Variants in TDRP observed in about 807,000 individuals in gnomAD.
TDRP encodes the protein testis development-related protein.
A neutral mutation model predicts 10.5 loss-of-function variants in TDRP; 12 were observed. The ratio of observed to expected loss-of-function variants is 1.15; its 90% confidence interval spans 0.73 to 1.86. The LOEUF (loss-of-function observed/expected upper bound fraction) is 1.86, where lower values mean the gene tolerates loss of function less well. Among genes scored for constraint, TDRP ranks in the 40% most tolerant of loss-of-function variants. The pLI is 0.00. For missense variants in TDRP, 353 were observed against 229.2 expected (o/e 1.54, Z -3.49); for synonymous variants, 139 against 95.4 (o/e 1.46, Z -2.67).
At chr8:533,318 C>T (rs949286349) in intron 1 of TDRP, among the ~76,000 whole-genome samples, 1 of 152,200 alleles carries the variant, frequency 6.6e-6, no homozygotes, top group Non-Finnish European at 1.5e-5. Context: ...CCTCATTGGG[C>T]TGCTCCCACA....
intron 1 of TDRP, among the ~76,000 whole-genome samples, chr8:531,281 A>G (rs1403129166): frequency 6.6e-6 from 1 of 152,048 alleles, no homozygotes; most frequent in Non-Finnish European, 1.5e-5. Context: ...TTTGGACTGT[A>G]TATTGTTGTC....
chr8:496,479 T>C (rs777941280), intron 1 of TDRP, among the ~76,000 whole-genome samples: 1 of 152,172 alleles, frequency 6.6e-6, no homozygotes, highest in Non-Finnish European at 1.5e-5. Flanking sequence ...CAGTGAAGCT[T>C]CGTGACCTTG....
intron 1 of TDRP, among the ~76,000 whole-genome samples, chr8:501,050 C>T (rs1206216809): frequency 6.6e-6 from 1 of 151,978 alleles, no homozygotes; most frequent in Non-Finnish European, 1.5e-5. Context: ...ACTAAAAATA[C>T]AAAAATTAGC....
chr8:497,976 G>A (rs992950804), intron 1 of TDRP, among the ~76,000 whole-genome samples: 3 of 152,196 alleles, frequency 2.0e-5, no homozygotes, highest in African/African-American at 7.2e-5. Flanking sequence ...AGGAGTTTGG[G>A]AGCCTCTGCC....
chr8:501,825 T>C (rs954099964), intron 1 of TDRP, among the ~76,000 whole-genome samples: 2 of 152,204 alleles, frequency 1.3e-5, no homozygotes, highest in Non-Finnish European at 2.9e-5. Flanking sequence ...CACAGGGCAC[T>C]GGCGTCCCTG....
At chr8:501,348 T>G (rs2116738030) in intron 1 of TDRP, among the ~76,000 whole-genome samples, 1 of 152,176 alleles carries the variant, frequency 6.6e-6, no homozygotes, top group African/African-American at 2.4e-5. Flanking sequence ...GGTATACTTC[T>G]TTTGTTTTGT....
chr8:539,832 TTG>T (rs1400658107), intron 1 of TDRP, among the ~76,000 whole-genome samples: 10 of 152,210 alleles, frequency 6.6e-5, no homozygotes, highest in African/African-American at 1.9e-4. Context: ...AAGTGTGACT[TTG>T]TGTCATCTAA....
intron 1 of TDRP, among the ~76,000 whole-genome samples, chr8:527,759 A>T (rs983708515): frequency 6.6e-6 from 1 of 152,206 alleles, no homozygotes; most frequent in Non-Finnish European, 1.5e-5. Flanking sequence ...ACAAAAAATC[A>T]AATCAAAATG....
intron 1 of TDRP, among the ~76,000 whole-genome samples, chr8:543,369 A>G (rs905620450): frequency 1.3e-5 from 2 of 152,198 alleles, no homozygotes. Context: ...CATTAGGAAA[A>G]ATGGGAGAAC....
At chr8:527,504 C>T (rs1003087730) in intron 1 of TDRP, among the ~76,000 whole-genome samples, 1 of 152,094 alleles carries the variant, frequency 6.6e-6, no homozygotes, top group Non-Finnish European at 1.5e-5. Context: ...TGTTACCCGA[C>T]TTCAAATTAT....
intron 1 of TDRP, among the ~76,000 whole-genome samples, chr8:505,429 C>T (rs1361931409): frequency 6.6e-6 from 1 of 152,210 alleles, no homozygotes; most frequent in Non-Finnish European, 1.5e-5. Context: ...AATTTCTCTT[C>T]TGTTTTTATA....
chr8:492,652 T>A lies in TDRP; in HGVS notation c.305A>T (p.Lys102Ile). The A allele has an allele frequency of 3.1e-6, 5 of 1,614,002 alleles. No individual in the cohort carries two copies. The highest frequency in any genetic ancestry group is 3.4e-6 in the Non-Finnish European group (4 of 1,179,876). The stretch of plus-strand genomic sequence containing the variant: ...CTCCCAACCTTCAATTTCATCTGGT[T>A]TTTTAGACTGTATATTCTGTTTTAA... ...LVLKQNIQSKKPDEIEGWEPP... is the reference protein window; with the variant it reads ...LVLKQNIQSKIPDEIEGWEPP... Residue 102 changes from lysine to isoleucine, a missense_variant, in exon 3 of 3, where the codon AAA becomes ATA. Physicochemically the swap from Lys to Ile is moderately radical, Grantham distance 102 (BLOSUM62 -3). Coordinates refer to ENST00000324079, the MANE Select transcript of TDRP (RefSeq NM_001384899.1).
At position 490,983 on chromosome 8, in the gene TDRP, G is replaced by C. The variant is rs1377668326; in HGVS notation, c.*1416C>G. The C allele has an allele frequency of 3.3e-5, 5 of 152,230 alleles. No individual in the cohort carries two copies. Among genetic ancestry groups the C allele is most frequent in the African/African-American group, 1.2e-4 (5 of 41,452 alleles). The allele number at this position is 152,230 out of a possible 1,614,324, so 9.4% of individuals were successfully genotyped here. A position where few individuals can be genotyped will look rare whatever the true frequency, so the allele number is the denominator to read the frequency against. On this transcript the variant is annotated 3_prime_UTR_variant, in exon 3 of 3. Coordinates refer to ENST00000324079, the MANE Select transcript of TDRP (RefSeq NM_001384899.1). ...AGATACGGATGATTGATAGGTATAAGTGATTGACACAGATTATAGATTTAG... is the reference window on the plus strand; with the variant it reads ...AGATACGGATGATTGATAGGTATAACTGATTGACACAGATTATAGATTTAG...
chr8:509,866 A>G (rs1405731346), intron 1 of TDRP, among the ~76,000 whole-genome samples: 1 of 152,178 alleles, frequency 6.6e-6, no homozygotes, highest in Non-Finnish European at 1.5e-5. Context: ...AAGTTCTGTG[A>G]AAGGAAAATA....
chr8:503,713 G>A (rs1025265124), intron 1 of TDRP, among the ~76,000 whole-genome samples: 1 of 140,078 alleles, frequency 7.1e-6, no homozygotes, highest in Non-Finnish European at 1.5e-5. Flanking sequence ...CACCAGCATG[G>A]AATCCAGAGC....
At position 492,669 on chromosome 8, in the gene TDRP, C is replaced by G; in HGVS notation, c.288G>C (p.Gln96His). 6.2e-7 allele frequency: 1 copy of G among 1,614,026 alleles called. No homozygotes were observed. The highest frequency in any genetic ancestry group is 1.1e-5 in the South Asian group (1 of 91,076). ...SGFWDNLVLK[Q>H]NIQSKKPDEI... ...CATCTGGTTTTTTAGACTGTATATT[C>G]TGTTTTAAAACCAAATTGTCCCAAA... The change falls in exon 3 of 3, where the codon CAG becomes CAC. Residue 96 changes from glutamine (Q) to histidine (H), a missense_variant. Transcript: ENST00000324079.
rs114762262 is a variant in TDRP, at chr8:509,433, C to T, written c.109-14836G>A. 9.8e-3 allele frequency among the ~76,000 whole-genome samples: 1,489 copies of T among 152,326 alleles called. 24 individuals are homozygous for T. Among genetic ancestry groups the T allele is most frequent in the African/African-American group, 0.033 (1,370 of 41,576 alleles). ...AGCCAGAGGTTCTCAAACCTCAATT[C>T]TTGACTTCGGTGCAGTCGTAGGACC... On this transcript the variant is annotated intron_variant, in intron 1 of 2. Transcript: ENST00000324079.
At chr8:504,646 C>A (rs1342688903) in intron 1 of TDRP, among the ~76,000 whole-genome samples, 1 of 149,222 alleles carries the variant, frequency 6.7e-6, no homozygotes, top group African/African-American at 2.5e-5. Context: ...AGCACTCCAG[C>A]CCTGTTTGGT....
rs139211212 is a variant in TDRP at position 492,580 on chromosome 8, G to A, written c.377C>T (p.Thr126Ile). The change falls in exon 3 of 3, where the codon ACC (threonine) becomes ATC (isoleucine). Residue 126 changes from threonine to isoleucine, a missense_variant. By Grantham distance (89) the Thr-to-Ile change is moderately conservative. Coordinates refer to ENST00000324079, the MANE Select transcript of TDRP (RefSeq NM_001384899.1). ...TGACCAGGATGGGTGGCCACCCACG[G>A]TGTCCTCAGGGTCAGCCGATATGTC... ...LEDISADPED[T>I]VGGHPSWSGW... 120 of 1,613,754 alleles carry A rather than the reference G, an allele frequency of 7.4e-5. No individual in the cohort carries two copies. Among genetic ancestry groups the A allele is most frequent in the Non-Finnish European group, 9.9e-5 (117 of 1,179,718 alleles).
Sources: gnomAD v4.1 joint callset for allele counts (sites outside exome capture counted in the v4.1 genomes callset) on GRCh38, gnomAD v4.1.1 for gene constraint, MANE v1.5 for transcripts, NCBI Gene and HGNC (gene_info 2026-07-23, HGNC 2026-07-21) for gene names.